SRPK1: variants seen among roughly 807,000 people sequenced by gnomAD.
SRPK1 encodes SRSF protein kinase 1.
Under a neutral mutation model 89.5 loss-of-function variants are expected in SRPK1, and 52 were observed. The observed-to-expected ratio is 0.58, with a 90% CI of 0.46 to 0.73. The LOEUF is 0.73. Among genes scored for constraint, SRPK1 ranks in the 30% least tolerant of loss-of-function variants. The pLI is 0.00. For synonymous variants in SRPK1, 255 were observed against 270.2 expected (o/e 0.94, Z 0.55); for missense variants, 603 against 780.6 (o/e 0.77, Z 2.71).
intron 13 of SRPK1, among the ~76,000 whole-genome samples, chr6:35,849,163 A>C (rs960649183): frequency 3.9e-5 from 6 of 152,348 alleles, no homozygotes; most frequent in Non-Finnish European, 7.3e-5. Flanking sequence ...AACCCAATTA[A>C]AAAACAGGCA....
Position 35,869,779 on chromosome 6 carries a change from C to T in SRPK1, c.1114G>A (p.Glu372Lys), listed in dbSNP as rs1046514835. 6.2e-7 allele frequency: 1 copy of T among 1,613,854 alleles called. No individual in the cohort carries two copies. Among genetic ancestry groups the T allele is most frequent in the African/African-American group, 1.3e-5 (1 of 75,044 alleles). Residue 372 changes from glutamate (E) to lysine (K), a missense_variant, in exon 11 of 16, where the codon GAA becomes AAA. By Grantham distance (56) the Glu-to-Lys change is moderately conservative. Coordinates refer to ENST00000373825, the MANE Select transcript of SRPK1 (RefSeq NM_003137.5). ...VINYTQNSNN[E>K]TLRHKEDLHN... is the part of the protein sequence containing the mutation. Reference sequence around the variant, plus strand: ...AGATCCTCTTTATGTCTCAATGTTTCATTATTACTGTTCTGAGTATAATTA... The same window carrying T: ...AGATCCTCTTTATGTCTCAATGTTTTATTATTACTGTTCTGAGTATAATTA...
chr6:35,880,746 A>AAAAAAAAAAAAAAAAAAAAG (rs1770263877), intron 6 of SRPK1, among the ~76,000 whole-genome samples: 1 of 89,202 alleles, frequency 1.1e-5, no homozygotes, highest in Admixed American at 1.2e-4. Flanking sequence ...AAAAAAAAAA[A>AAAAAAAAAAAAAAAAAAAAG]AAAAGAAAAG....
At chr6:35,889,127 G>T (rs1249700137) in intron 3 of SRPK1, among the ~76,000 whole-genome samples, 1 of 152,042 alleles carries the variant, frequency 6.6e-6, no homozygotes, top group Admixed American at 6.5e-5. Context: ...TAAAAAAAGT[G>T]AGTAAGATTA....
intron 2 of SRPK1, among the ~76,000 whole-genome samples, chr6:35,918,384 C>T (rs1562001568): frequency 6.6e-6 from 1 of 151,948 alleles, no homozygotes; most frequent in East Asian, 1.9e-4. Context: ...GCCTGTAGTC[C>T]CAGCTACTTG....
At chr6:35,895,569 C>A (rs1397503214) in intron 2 of SRPK1, 3 of 152,018 alleles carry the variant, frequency 2.0e-5, no homozygotes, top group African/African-American at 7.3e-5. Context: ...AGAAAACAGA[C>A]CTCCTGCCCT....
At chr6:35,896,765 G>C (rs1250485262) in intron 2 of SRPK1, among the ~76,000 whole-genome samples, 1 of 152,136 alleles carries the variant, frequency 6.6e-6, no homozygotes, top group Non-Finnish European at 1.5e-5. Context: ...CTGATTCCTG[G>C]GGACAGGGTG....
rs576558583 is a variant in SRPK1 at position 35,888,972 on chromosome 6, A to G, written c.194-49T>C. On this transcript the variant is annotated intron_variant, in intron 3 of 15. Coordinates refer to ENST00000373825, the MANE Select transcript of SRPK1 (RefSeq NM_003137.5). ...ATCAGAAAAACCAGGATGAGAAACA[A>G]TGGTAAGAAAAGGCATTTTTAACAT... 1.1e-4 allele frequency: 150 copies of G among 1,320,708 alleles called. 1 individual carries two copies. Among genetic ancestry groups the G allele is most frequent in the South Asian group, 1.1e-3 (93 of 84,210 alleles). 81.8% of individuals were successfully genotyped at this position (1,320,708 alleles called of 1,614,324 possible).
At chr6:35,873,634 C>T (rs1404766928) in intron 7 of SRPK1, among the ~76,000 whole-genome samples, 1 of 149,878 alleles carries the variant, frequency 6.7e-6, no homozygotes, top group African/African-American at 2.5e-5. Flanking sequence ...GGATTATAGG[C>T]GCTTACCACC....
intron 7 of SRPK1, 104 bp downstream of exon 7, chr6:35,874,129 A>T: frequency 9.8e-7 from 1 of 1,023,744 alleles, no homozygotes; most frequent in Non-Finnish European, 1.4e-6. Flanking sequence ...ACCCGGCCTT[A>T]AAACAAAAAT....
rs368793354 is a variant in SRPK1, at chr6:35,870,452, T to G, written c.820A>C (p.Lys274Gln). The G allele has an allele frequency of 4.5e-5, 70 of 1,553,924 alleles. No individual in the cohort carries two copies. Among genetic ancestry groups the G allele is most frequent in the Admixed American group, 7.8e-5 (4 of 51,058 alleles). Residue 274 changes from lysine (K) to glutamine (Q), a missense_variant, in exon 10 of 16, where the codon AAG becomes CAG. Coordinates refer to ENST00000373825, the MANE Select transcript of SRPK1 (RefSeq NM_003137.5). ...AGTAATTCTGCCTGGCGCTTCTGCTTCTTCTTCAATTTCTTCTTCTTATTC... is the reference window on the plus strand; with the variant it reads ...AGTAATTCTGCCTGGCGCTTCTGCTGCTTCTTCAATTTCTTCTTCTTATTC... ...SKNKKKKLKKKQKRQAELLEK... is the reference protein window; with the variant it reads ...SKNKKKKLKKQQKRQAELLEK...
chr6:35,892,100 C>T (rs1341996514), intron 2 of SRPK1, among the ~76,000 whole-genome samples: 1 of 152,162 alleles, frequency 6.6e-6, no homozygotes, highest in Non-Finnish European at 1.5e-5. Context: ...AAAGGTTGTA[C>T]TAAGTTACAT....
intron 2 of SRPK1, among the ~76,000 whole-genome samples, chr6:35,900,672 G>A (rs1770723313): frequency 6.6e-6 from 1 of 152,180 alleles, no homozygotes; most frequent in Admixed American, 6.5e-5. Context: ...ATTAAGTAGG[G>A]CAAGGGGACA....
At chr6:35,873,831 TC>T (rs917417977) in intron 7 of SRPK1, among the ~76,000 whole-genome samples, 5 of 145,172 alleles carry the variant, frequency 3.4e-5, no homozygotes, top group African/African-American at 1.3e-4. Flanking sequence ...AAACAAAAAT[TC>T]TTTTTTTTTT....
chr6:35,920,247 C>G (rs2127274078), intron 2 of SRPK1: 1 of 632,718 alleles, frequency 1.6e-6, no homozygotes, highest in East Asian at 3.2e-5. Flanking sequence ...TCCGACAGCC[C>G]TTTCCAGCAG....
At chr6:35,856,031 T>C (rs970387547) in intron 13 of SRPK1, among the ~76,000 whole-genome samples, 1 of 152,150 alleles carries the variant, frequency 6.6e-6, no homozygotes, top group Non-Finnish European at 1.5e-5. Flanking sequence ...CCAGCCCCTA[T>C]ATAGTTTTAG....
At chr6:35,904,997 A>T (rs1181086314) in intron 2 of SRPK1, 2 of 444,374 alleles carry the variant, frequency 4.5e-6, no homozygotes, top group Non-Finnish European at 9.0e-6. Context: ...AGAAAAAAAA[A>T]ATTAAAAATT....
At chr6:35,902,448 C>T in intron 2 of SRPK1, among the ~76,000 whole-genome samples, 1 of 150,962 alleles carries the variant, frequency 6.6e-6, no homozygotes, top group South Asian at 2.1e-4. Flanking sequence ...AATAAAAATC[C>T]AAAAAAAAGT....
chr6:35,894,380 T>G (rs908830163), intron 2 of SRPK1, among the ~76,000 whole-genome samples: 3 of 152,170 alleles, frequency 2.0e-5, no homozygotes, highest in Non-Finnish European at 4.4e-5. Context: ...TGCCCACTTA[T>G]CTCATAATCG....
In SRPK1 at chr6:35,877,259, A is replaced by G. The variant is rs192634181; in HGVS notation, c.479-2920T>C. ...ATGCTTTGGATCCATCTAACAAATC[A>G]TAAAAGTAAAATCTAAAAGGATAAA... On this transcript the variant is annotated intron_variant, in intron 6 of 15. Transcript: ENST00000373825. 2.1e-3 allele frequency among the ~76,000 whole-genome samples: 325 copies of G among 152,314 alleles called. 1 individual carries two copies. Among genetic ancestry groups the G allele is most frequent in the African/African-American group, 7.4e-3 (307 of 41,562 alleles).
Sources: gnomAD v4.1 joint callset for allele counts (sites outside exome capture counted in the v4.1 genomes callset) on GRCh38, gnomAD v4.1.1 for gene constraint, MANE v1.5 for transcripts, NCBI Gene and HGNC (gene_info 2026-07-23, HGNC 2026-07-21) for gene names.